Variants in COL27A1 observed in about 807,000 individuals in gnomAD.
The protein encoded by COL27A1 is collagen type XXVII alpha 1 chain, also known as collagen alpha-1(XXVII) chain.
A neutral mutation model predicts 251.3 loss-of-function variants in COL27A1; 106 were observed. The observed-to-expected ratio is 0.42, with a 90% CI of 0.36 to 0.50. The LOEUF is 0.50. COL27A1 is among the 20% of genes least tolerant of loss of function. COL27A1 has a pLI of 0.00. For synonymous variants in COL27A1, 1,000 were observed against 986.3 expected (o/e 1.01, Z -0.26); for missense variants, 2,325 against 2,522.8 (o/e 0.92, Z 1.68).
At chr9:114,171,699 C>T (rs1341138567) in intron 3 of COL27A1, among the ~76,000 whole-genome samples, 1 of 152,132 alleles carries the variant, frequency 6.6e-6, no homozygotes, top group Non-Finnish European at 1.5e-5. Flanking sequence ...CTCCTGGCCT[C>T]AAGTGATCCT....
chr9:114,301,110 A>T lies in COL27A1; in HGVS notation c.4740A>T (p.Gly1580=). 6.2e-7 allele frequency: 1 copy of T among 1,613,418 alleles called. No homozygotes were observed. The highest frequency in any genetic ancestry group is 8.5e-7 in the Non-Finnish European group (1 of 1,179,664). The change falls in exon 52 of 61, where the codon GGA becomes GGT. Residue 1580 remains glycine (G), a synonymous_variant. Transcript: ENST00000356083. Reference sequence around the variant, plus strand: ...TCGTCGGGCCCCTCGGAATCCTGGGACCTTCGGGACTCCCGGTATGTGTGG... The same window carrying T: ...TCGTCGGGCCCCTCGGAATCCTGGGTCCTTCGGGACTCCCGGTATGTGTGG... ...EGIVGPLGIL[G]PSGLPGPKGD...
chr9:114,236,851 G>A (rs1647679565), intron 17 of COL27A1, 130 bp from the exon 18 acceptor site: 5 of 789,010 alleles, frequency 6.3e-6, no homozygotes, highest in Admixed American at 2.1e-5. Context: ...AGCAGGGAAA[G>A]GAAGGAAGGA....
rs193239636 is a variant in COL27A1, at chr9:114,301,522, C to T, written c.4809+60C>T. The T allele has an allele frequency of 3.3e-3, 5,136 of 1,578,388 alleles. 73 individuals carry two copies. The East Asian group carries it at 0.034, about 10-fold the overall frequency. On this transcript the variant is annotated intron_variant, in intron 54 of 60. Coordinates refer to ENST00000356083, the MANE Select transcript of COL27A1 (RefSeq NM_032888.4). ...GCGTGGGGCGGGCACCCTGCATTCT[C>T]CTCCCGGTGGTACATTCTCTCCCTC...
chr9:114,172,892 T>A (rs1183765217), intron 3 of COL27A1, among the ~76,000 whole-genome samples: 1 of 152,264 alleles, frequency 6.6e-6, no homozygotes, highest in Admixed American at 6.5e-5. Context: ...GGGCTCAGTC[T>A]TCCACTGAAA....
At position 114,307,723 on chromosome 9, in the gene COL27A1, C is replaced by A; in HGVS notation, c.5162C>A (p.Ser1721Tyr). ...TGCTCCTCTGACACCATCGAGGTCT[C>A]CTGCAACTTCACTCATGGTGGACAG... ...LGCSSDTIEV[S>Y]CNFTHGGQTC... Residue 1721 changes from serine (S) to tyrosine (Y), a missense_variant, in exon 59 of 61, where the codon TCC becomes TAC. Coordinates refer to ENST00000356083, the MANE Select transcript of COL27A1 (RefSeq NM_032888.4). The A allele has an allele frequency of 6.2e-7, 1 of 1,614,200 alleles. No individual in the cohort carries two copies.
Position 114,176,118 on chromosome 9 carries a change from G to A in COL27A1, c.1909-2173G>A, listed in dbSNP as rs1047474827. Among the ~76,000 whole-genome samples, 24 of 152,284 alleles carry A rather than the reference G, an allele frequency of 1.6e-4. 1 individual carries two copies. Among genetic ancestry groups the A allele is most frequent in the African/African-American group, 5.3e-4 (22 of 41,566 alleles). On this transcript the variant is annotated intron_variant, in intron 3 of 60. Coordinates refer to ENST00000356083, the MANE Select transcript of COL27A1 (RefSeq NM_032888.4). The stretch of plus-strand genomic sequence containing the variant: ...GGCTCTGCCTCTTGTTAGCTGTGTG[G>A]CACTGGGCAAGTCACTTTTCCTCTC...
chr9:114,285,993 T>A (rs1827455072), intron 41 of COL27A1, among the ~76,000 whole-genome samples: 1 of 152,116 alleles, frequency 6.6e-6, no homozygotes, highest in Non-Finnish European at 1.5e-5. Flanking sequence ...GAATGAGAGG[T>A]CAAGGTGGGG....
At chr9:114,229,454 C>G (rs1353488785) in intron 14 of COL27A1, among the ~76,000 whole-genome samples, 1 of 152,194 alleles carries the variant, frequency 6.6e-6, no homozygotes, top group Non-Finnish European at 1.5e-5. Context: ...GGCCTCCCTC[C>G]GAGACGTCTC....
At chr9:114,259,433 A>T (rs1687379) in intron 28 of COL27A1, among the ~76,000 whole-genome samples, 121,125 of 152,174 alleles carry the variant, frequency 0.8, 48,649 homozygotes, top group African/African-American at 0.9. Context: ...CCCTGTCATG[A>T]AGGTGCTATT....
At chr9:114,188,625 T>A (rs1184976532) in intron 5 of COL27A1, among the ~76,000 whole-genome samples, 2 of 152,174 alleles carry the variant, frequency 1.3e-5, no homozygotes, top group Non-Finnish European at 2.9e-5. Flanking sequence ...TATTTGTATA[T>A]ACATACACAG....
In COL27A1 at chr9:114,271,944, A is replaced by AAAT. The variant is rs1465076677; in HGVS notation, c.3609+1163_3609+1164insAAT. On this transcript the variant is annotated intron_variant, in intron 36 of 60. Coordinates refer to ENST00000356083, the MANE Select transcript of COL27A1 (RefSeq NM_032888.4). ...CCTCACATTTTCTTGCAAGAGCGAG[A>AAAT]GCACCCCCTGTCTGTCATCTGCCTG... 3 of 151,924 alleles carry AAAT rather than the reference A, an allele frequency of 2.0e-5. No homozygotes were observed. In the East Asian group the frequency reaches 5.8e-4, roughly 30 times the overall value. 9.4% of individuals were successfully genotyped at this position (151,924 alleles called of 1,614,324 possible). A position where few individuals can be genotyped will look rare whatever the true frequency, so the allele number is the denominator to read the frequency against.
At position 114,309,474 on chromosome 9, in the gene COL27A1, G is replaced by A. The variant is rs747649433; in HGVS notation, c.5432G>A (p.Cys1811Tyr). 6.2e-7 allele frequency: 1 copy of A among 1,613,278 alleles called. No homozygotes were observed. The highest frequency in any genetic ancestry group is 8.5e-7 in the Non-Finnish European group (1 of 1,179,614). Reference protein sequence around the residue: ...QFRPEVSMDGCKVQDGRWHQT... With the variant: ...QFRPEVSMDGYKVQDGRWHQT... The stretch of plus-strand genomic sequence containing the variant: ...CGGCCCGAGGTGTCCATGGATGGCT[G>A]CAAGGTAACTCTCAGAGCCCCTCCT... The change falls in exon 60 of 61, where the codon TGC (cysteine) becomes TAC (tyrosine). Residue 1811 changes from cysteine (C) to tyrosine (Y), a missense_variant. By Grantham distance (194) the Cys-to-Tyr change is radical (BLOSUM62 -2). Coordinates refer to ENST00000356083, the MANE Select transcript of COL27A1 (RefSeq NM_032888.4).
intron 24 of COL27A1, among the ~76,000 whole-genome samples, chr9:114,250,256 A>G (rs1204263940): frequency 6.6e-6 from 1 of 152,190 alleles, no homozygotes; most frequent in Admixed American, 6.5e-5. Context: ...CAGAGCCCCG[A>G]AAGATGGGCA....
Position 114,310,766 on chromosome 9 carries a change from G to T in COL27A1, c.*71G>T. Reference sequence around the variant, plus strand: ...GAAGAGGCAAGGGGAGGGTACTGAGGGGCAGATGGCTCCAGGAGAGGCAGC... The same window carrying T: ...GAAGAGGCAAGGGGAGGGTACTGAGTGGCAGATGGCTCCAGGAGAGGCAGC... On this transcript the variant is annotated 3_prime_UTR_variant, in exon 61 of 61. Transcript: ENST00000356083. The T allele has an allele frequency of 6.5e-7, 1 of 1,549,820 alleles. No homozygotes were observed. Among genetic ancestry groups the T allele is most frequent in the East Asian group, 2.3e-5 (1 of 44,054 alleles).
rs767166561 is a variant in COL27A1 at position 114,169,232 on chromosome 9, T to C, written c.1677T>C (p.Pro559=). 2 of 1,613,624 alleles carry C rather than the reference T, an allele frequency of 1.2e-6. No homozygotes were observed. The highest frequency in any genetic ancestry group is 4.5e-5 in the East Asian group (2 of 44,868). Residue 559 remains proline, a synonymous_variant, in exon 3 of 61, where the codon CCT becomes CCC. Coordinates refer to ENST00000356083, the MANE Select transcript of COL27A1 (RefSeq NM_032888.4). ...SSPRKPVPLR[P]GKAARDVPLS... ...CCCGGAAGCCTGTCCCCCTCAGACCTGGGAAGGCAGCCAGGGATGTCCCCT... is the reference window on the plus strand; with the variant it reads ...CCCGGAAGCCTGTCCCCCTCAGACCCGGGAAGGCAGCCAGGGATGTCCCCT...
chr9:114,274,919 T>C (rs1231541695), intron 36 of COL27A1, among the ~76,000 whole-genome samples: 1 of 151,784 alleles, frequency 6.6e-6, no homozygotes, highest in Non-Finnish European at 1.5e-5. Context: ...TGGGTGAATT[T>C]TCTTTCTTGA....
chr9:114,210,210 T>C (rs1830251596), intron 11 of COL27A1, among the ~76,000 whole-genome samples: 1 of 152,244 alleles, frequency 6.6e-6, no homozygotes. Flanking sequence ...TTTATTGAAC[T>C]CAGCCTTGCT....
chr9:114,282,448 C>T lies in COL27A1; in HGVS notation c.3772-9C>T, dbSNP rs765939200. The T allele has an allele frequency of 4.4e-5, 71 of 1,607,514 alleles. No individual in the cohort carries two copies. Among genetic ancestry groups the T allele is most frequent in the Non-Finnish European group, 5.5e-5 (65 of 1,176,618 alleles). On this transcript the variant is annotated splice_polypyrimidine_tract_variant and intron_variant, in intron 38 of 60. Transcript: ENST00000356083. Reference sequence around the variant, plus strand: ...GCCTGGTGACAGCTTGTCTTTCCTCCTGTTGCAGGGTGCCAAGGGCTATCA... The same window carrying T: ...GCCTGGTGACAGCTTGTCTTTCCTCTTGTTGCAGGGTGCCAAGGGCTATCA...
intron 17 of COL27A1, among the ~76,000 whole-genome samples, chr9:114,236,641 G>A (rs1832419213): frequency 6.6e-6 from 1 of 152,146 alleles, no homozygotes; most frequent in Admixed American, 6.5e-5. Flanking sequence ...TCCGGGTTGT[G>A]AACCACAGCA....
Sources: allele counts gnomAD v4.1 joint callset (sites outside exome capture counted in the v4.1 genomes callset), GRCh38; gene constraint gnomAD v4.1.1; transcripts MANE v1.5; gene names NCBI Gene and HGNC (gene_info 2026-07-23, HGNC 2026-07-21).